The following DIAPH2 variants were observed in gnomAD, a reference collection of about 807,000 sequenced individuals.
DIAPH2 encodes the protein protein diaphanous homolog 2.
In DIAPH2, 35 loss-of-function variants were observed where a neutral mutation model predicts 92.7. The ratio of observed to expected loss-of-function variants is 0.38; its 90% CI spans 0.29 to 0.50. The LOEUF (loss-of-function observed/expected upper bound fraction) is 0.50. Among genes scored for constraint, DIAPH2 ranks in the 20% least tolerant of loss-of-function variants. The pLI, the probability that DIAPH2 is intolerant of heterozygous loss-of-function variation, is 0.94. For missense variants in DIAPH2, 701 were observed against 819.5 expected (o/e 0.86, Z 1.77); for synonymous variants, 301 against 280.4 (o/e 1.07, Z -0.73).
intron 26 of DIAPH2, among the ~76,000 whole-genome samples, chrX:97,536,090 T>A (rs760063083): frequency 7.7e-4 from 86 of 112,276 alleles, no homozygotes; most frequent in African/African-American, 2.6e-3. Flanking sequence ...ATTCTAAGAA[T>A]TTCAAGAAGT....
At position 97,224,705 on chromosome X, in the gene DIAPH2, GAA is replaced by G. The variant is rs773396470; in HGVS notation, c.2720-23008_2720-23007del. 5.6e-3 allele frequency among the ~76,000 whole-genome samples: 628 copies of G among 111,698 alleles called. 2 individuals carry two copies. The highest frequency in any genetic ancestry group is 0.019 in the African/African-American group (592 of 30,808). On this transcript the variant is annotated intron_variant, in intron 22 of 26. Coordinates refer to ENST00000324765, the MANE Select transcript of DIAPH2 (RefSeq NM_006729.5). ...ATCCTTATTTGAGTCATTCATTGTAGAAAGAGATCTGTCTTATAAAATTACCA... is the reference window on the plus strand; with the variant it reads ...ATCCTTATTTGAGTCATTCATTGTAGAGAGATCTGTCTTATAAAATTACCA...
intron 23 of DIAPH2, among the ~76,000 whole-genome samples, chrX:97,288,210 T>C (rs911439179): frequency 8.1e-5 from 9 of 111,184 alleles, no homozygotes. Flanking sequence ...TTAGTATTGT[T>C]GCTACTTTAT....
At chrX:97,405,353 C>T (rs1240346257) in intron 25 of DIAPH2, among the ~76,000 whole-genome samples, 2 of 111,799 alleles carry the variant, frequency 1.8e-5, no homozygotes, top group African/African-American at 3.3e-5. Flanking sequence ...GGAGATCTTG[C>T]AAAACGGTTC....
Position 96,939,337 on chromosome X carries a change from C to G in DIAPH2, c.1280C>G (p.Ser427Cys). Residue 427 changes from serine (S) to cysteine (C), a missense_variant, in exon 12 of 27, where the codon TCT (serine) becomes TGT (cysteine). Coordinates refer to ENST00000324765, the MANE Select transcript of DIAPH2 (RefSeq NM_006729.5). ...ACTGCTGCTGAAAATTACTTCTTAT[C>G]TATTCTACAACATTTTTTGCTTATC... ...KDTAAENYFL[S>C]ILQHFLLIRN... is the part of the protein sequence containing the mutation. The G allele has an allele frequency of 8.7e-7, 1 of 1,148,956 alleles. No homozygotes were observed. Among genetic ancestry groups the G allele is most frequent in the Non-Finnish European group, 1.2e-6 (1 of 845,309 alleles). 94.7% of individuals were successfully genotyped at this position (1,148,956 alleles called of 1,213,427 possible). A position where few individuals can be genotyped will look rare whatever the true frequency, so the allele number is the denominator to read the frequency against.
intron 19 of DIAPH2, among the ~76,000 whole-genome samples, chrX:97,077,710 T>A (rs895375717): frequency 8.9e-6 from 1 of 112,242 alleles, no homozygotes; most frequent in Non-Finnish European, 1.9e-5. Flanking sequence ...AGAAAAACTT[T>A]TATTTAATCA....
At chrX:97,359,689 T>C (rs1057246219) in intron 24 of DIAPH2, among the ~76,000 whole-genome samples, 13 of 106,089 alleles carry the variant, frequency 1.2e-4, no homozygotes, top group Non-Finnish European at 2.3e-4. Context: ...GCGATTCTCC[T>C]GCCTCAGCCT....
At chrX:97,275,545 C>T (rs1221008393) in intron 23 of DIAPH2, among the ~76,000 whole-genome samples, 1 of 105,282 alleles carries the variant, frequency 9.5e-6, no homozygotes, top group East Asian at 3.2e-4. Flanking sequence ...GGCGGAGGGG[C>T]TCCTCACTTC....
At chrX:97,472,638 T>C (rs2070572344) in intron 26 of DIAPH2, among the ~76,000 whole-genome samples, 1 of 112,216 alleles carries the variant, frequency 8.9e-6, no homozygotes, top group African/African-American at 3.2e-5. Context: ...GACATAATTT[T>C]TTAAATTGCC....
chrX:97,110,342 T>C, intron 20 of DIAPH2, among the ~76,000 whole-genome samples: 1 of 111,721 alleles, frequency 9.0e-6, no homozygotes, highest in South Asian at 3.8e-4. Flanking sequence ...GAACTATAGT[T>C]TCAAATCCTA....
intron 17 of DIAPH2, among the ~76,000 whole-genome samples, chrX:97,038,070 C>A (rs184592312): frequency 4.0e-4 from 45 of 111,302 alleles, no homozygotes; most frequent in Non-Finnish European, 5.7e-5. Flanking sequence ...CCCTGTGTAC[C>A]CATAGCTTAG....
chrX:97,297,626 G>A (rs1432135643), intron 23 of DIAPH2, among the ~76,000 whole-genome samples: 2 of 89,210 alleles, frequency 2.2e-5, no homozygotes, highest in East Asian at 7.1e-4. Context: ...TTTTTTTTCA[G>A]TGTGGTTGGA....
chrX:96,885,611 C>A (rs2065256404), intron 5 of DIAPH2: 1 of 111,431 alleles, frequency 9.0e-6, no homozygotes, highest in African/African-American at 3.3e-5. Flanking sequence ...TTTGTGAATT[C>A]TAATGCTCAG....
chrX:97,321,513 C>A (rs1323559177), intron 23 of DIAPH2, among the ~76,000 whole-genome samples: 1 of 106,280 alleles, frequency 9.4e-6, no homozygotes, highest in African/African-American at 3.4e-5. Flanking sequence ...CATACATTCA[C>A]ATATGTATGT....
intron 5 of DIAPH2, among the ~76,000 whole-genome samples, chrX:96,904,381 A>G (rs1234946412): frequency 1.8e-5 from 2 of 112,167 alleles, no homozygotes; most frequent in African/African-American, 3.2e-5. Flanking sequence ...ACTATGATGA[A>G]TAGTTTCCAA....
chrX:96,785,544 T>C (rs1206264269), intron 4 of DIAPH2, among the ~76,000 whole-genome samples: 29 of 246 alleles, frequency 0.12, no homozygotes, highest in Admixed American at 0.27. Context: ...CTTGGCTCAC[T>C]GCAATCTGCG....
intron 4 of DIAPH2, among the ~76,000 whole-genome samples, chrX:96,793,080 C>T (rs2064512058): frequency 8.9e-6 from 1 of 112,273 alleles, no homozygotes; most frequent in Non-Finnish European, 1.9e-5. Context: ...GCTGCTGTTA[C>T]ATGGACACTA....
rs753994943 is a variant in DIAPH2, at chrX:96,788,556, CT to C, written c.447+30299del. Among the ~76,000 whole-genome samples, 7 of 111,556 alleles carry C rather than the reference CT, an allele frequency of 6.3e-5. No homozygotes were observed. The East Asian group carries it at 1.7e-3, about 27-fold the overall frequency. On this transcript the variant is annotated intron_variant, in intron 4 of 26. Coordinates refer to ENST00000324765, the MANE Select transcript of DIAPH2 (RefSeq NM_006729.5). Reference sequence around the variant, plus strand: ...AATGTTTTGAGGAAAATTAACACCCCTATTATTATTAGGGAAGCATGCAAAT... The same window carrying C: ...AATGTTTTGAGGAAAATTAACACCCCATTATTATTAGGGAAGCATGCAAAT...
intron 26 of DIAPH2, among the ~76,000 whole-genome samples, chrX:97,511,379 A>T (rs2070891166): frequency 1.1e-5 from 1 of 94,766 alleles, no homozygotes; most frequent in Admixed American, 1.2e-4. Flanking sequence ...AGACTGCTGA[A>T]GTTGTTTATC....
chrX:97,255,446 A>G (rs1036645247), intron 23 of DIAPH2, among the ~76,000 whole-genome samples: 1 of 111,707 alleles, frequency 9.0e-6, no homozygotes, highest in Non-Finnish European at 1.9e-5. Flanking sequence ...GTTCATGTAC[A>G]TGTACATATC....
Sources: gnomAD v4.1 joint callset for allele counts (sites outside exome capture counted in the v4.1 genomes callset) on GRCh38, gnomAD v4.1.1 for gene constraint, MANE v1.5 for transcripts, NCBI Gene and HGNC (gene_info 2026-07-23, HGNC 2026-07-21) for gene names.